Variants in AHNAK observed in about 807,000 individuals in gnomAD.
The protein encoded by AHNAK is AHNAK nucleoprotein.
A neutral mutation model predicts 37.8 loss-of-function variants in AHNAK; 23 were observed. That is an observed-to-expected ratio of 0.61 (90% CI 0.44 to 0.86). AHNAK has a LOEUF of 0.86. Among genes scored for constraint, AHNAK ranks in the 40% least tolerant of loss-of-function variants. The probability of loss-of-function intolerance (pLI) is 0.00; values close to 1 mark genes in which losing one functional copy is unlikely to be tolerated. For missense variants in AHNAK, 7,411 were observed against 7,319.4 expected (o/e 1.01, Z -0.46); for synonymous variants, 2,481 against 2,636.3 (o/e 0.94, Z 1.80).
chr11:62,542,262 G>A (rs1459999271), intron 1 of AHNAK, among the ~76,000 whole-genome samples: 1 of 152,064 alleles, frequency 6.6e-6, no homozygotes, highest in Non-Finnish European at 1.5e-5. Context: ...TTGTCCTGCA[G>A]GTCCCTATGC....
chr11:62,505,354 C>T (rs1939791356), intron 4 of AHNAK, among the ~76,000 whole-genome samples: 1 of 152,130 alleles, frequency 6.6e-6, no homozygotes, highest in Admixed American at 6.5e-5. Flanking sequence ...GACAGTTCGG[C>T]CAATGGGGTG....
chr11:62,484,665 G>GT (rs1939352458), intron 5 of AHNAK, among the ~76,000 whole-genome samples: 1 of 152,200 alleles, frequency 6.6e-6, no homozygotes, highest in Admixed American at 6.5e-5. Context: ...GGGCCAGGTG[G>GT]TATGGAAGCC....
intron 1 of AHNAK, among the ~76,000 whole-genome samples, chr11:62,543,914 TG>T (rs1565253911): frequency 6.6e-6 from 1 of 152,022 alleles, no homozygotes. Flanking sequence ...TCGGGAATGG[TG>T]GGGGAGAGAG....
At chr11:62,463,823 G>A (rs895605481) in intron 5 of AHNAK, among the ~76,000 whole-genome samples, 2 of 151,992 alleles carry the variant, frequency 1.3e-5, no homozygotes, top group African/African-American at 4.8e-5. Context: ...GAGTGCAATG[G>A]TACGATCTCG....
At position 62,442,537 on chromosome 11, in the gene AHNAK, G is replaced by A. The variant is rs534463363; in HGVS notation, c.443-8646C>T. Among the ~76,000 whole-genome samples, 15 of 148,250 alleles carry A rather than the reference G, an allele frequency of 1.0e-4. No homozygotes were observed. In the South Asian group the frequency reaches 2.2e-3, roughly 21 times the overall value. ...CACTCCAGCCTGGGTGACAGAGTGA[G>A]ATCCTATCTCAAAAATAAATAATCA... On this transcript the variant is annotated intron_variant, in intron 5 of 5. Transcript: ENST00000257247.
chr11:62,508,246 C>A (rs533890653), intron 4 of AHNAK, among the ~76,000 whole-genome samples: 1 of 152,118 alleles, frequency 6.6e-6, no homozygotes, highest in Non-Finnish European at 1.5e-5. Context: ...ACGGCAGTGA[C>A]ATCACAGGGA....
intron 5 of AHNAK, among the ~76,000 whole-genome samples, chr11:62,489,943 T>A (rs56973213): frequency 0.14 from 21,993 of 151,716 alleles, 3,917 homozygotes; most frequent in African/African-American, 0.42. Flanking sequence ...GGGTGTTTCA[T>A]GGAAGGAGAG....
In AHNAK at chr11:62,521,075, T is replaced by C. The variant is rs1262495098; in HGVS notation, c.13342A>G (p.Lys4448Glu). 5.0e-6 allele frequency: 8 copies of C among 1,613,934 alleles called. No individual in the cohort carries two copies. Among genetic ancestry groups the C allele is most frequent in the African/African-American group, 1.3e-5 (1 of 74,880 alleles). The change falls in exon 5 of 5, where the codon AAG becomes GAG. Residue 4448 changes from lysine (K) to glutamate (E), a missense_variant. Coordinates refer to ENST00000378024, the MANE Select transcript of AHNAK (RefSeq NM_001620.3). Reference protein sequence around the residue: ...PEGKLKGPKFKMPEMNIKAPK... With the variant: ...PEGKLKGPKFEMPEMNIKAPK... ...GCTTTGATGTTCATCTCAGGCATCT[T>C]AAATTTGGGCCCCTTCAATTTTCCT...
chr11:62,540,383 C>G (rs1266389744), intron 1 of AHNAK, among the ~76,000 whole-genome samples: 1 of 152,224 alleles, frequency 6.6e-6, no homozygotes, highest in Non-Finnish European at 1.5e-5. Flanking sequence ...TGGGATGGCA[C>G]TGCCTGTTAC....
chr11:62,481,726 C>A (rs936339797), intron 5 of AHNAK, among the ~76,000 whole-genome samples: 2 of 151,760 alleles, frequency 1.3e-5, no homozygotes, highest in Non-Finnish European at 2.9e-5. Flanking sequence ...TACAAGTGCC[C>A]ACCACCATGC....
intron 4 of AHNAK, among the ~76,000 whole-genome samples, chr11:62,506,070 A>G (rs1029769845): frequency 1.4e-5 from 2 of 147,272 alleles, no homozygotes; most frequent in Non-Finnish European, 3.0e-5. Context: ...CAAGCTGGGC[A>G]TGGTGGCGCA....
Position 62,517,052 on chromosome 11 carries a change from ACT to A in AHNAK, c.17363_17364del (p.Glu5788ValfsTer14), listed in dbSNP as rs1338693113. 8 of 1,613,846 alleles carry A rather than the reference ACT, an allele frequency of 5.0e-6. No individual in the cohort carries two copies. In the East Asian group the frequency reaches 8.9e-5, roughly 18 times the overall value. On this transcript the variant is annotated frameshift_variant, in exon 5 of 5. Coordinates refer to ENST00000378024, the MANE Select transcript of AHNAK (RefSeq NM_001620.3). LOFTEE classifies it high-confidence loss of function. ...HRSNSFSDEREFSGPSTPTGT... is the reference protein window; with the variant it reads ...HRSNSFSDERXFSGPSTPTGT... ...CCCGTCGGGGTGGAAGGTCCAGAGAACTCTCTTTCATCACTGAATGAATTTGA... is the reference window on the plus strand; with the variant it reads ...CCCGTCGGGGTGGAAGGTCCAGAGAACTCTTTCATCACTGAATGAATTTGA...
chr11:62,458,884 G>C (rs1938724436), intron 5 of AHNAK, among the ~76,000 whole-genome samples: 1 of 152,124 alleles, frequency 6.6e-6, no homozygotes, highest in Admixed American at 6.5e-5. Context: ...AAGTACCCCA[G>C]CTGTTTCAAA....
chr11:62,510,190 G>A (rs1268284532), intron 4 of AHNAK, among the ~76,000 whole-genome samples: 1 of 151,538 alleles, frequency 6.6e-6, no homozygotes, highest in African/African-American at 2.4e-5. Context: ...CTCCTGAGTA[G>A]CTGCCACCAC....
chr11:62,522,346 G>C lies in AHNAK; in HGVS notation c.12071C>G (p.Pro4024Arg), dbSNP rs149928120. The change falls in exon 5 of 5, where the codon CCT becomes CGT. Residue 4024 changes from proline to arginine, a missense_variant. Transcript: ENST00000378024. The stretch of plus-strand genomic sequence containing the variant: ...GGCCTTTAGATCACCTTCCATCTTA[G>C]GCAGAGAAACATCCACATCTCCTTT... ...KVKGDVDVSL[P>R]KMEGDLKAPE... 133 of 1,613,686 alleles carry C rather than the reference G, an allele frequency of 8.2e-5. No homozygotes were observed. In the African/African-American group the frequency reaches 1.5e-3, roughly 18 times the overall value.
chr11:62,496,778 G>C (rs530795737), intron 4 of AHNAK, among the ~76,000 whole-genome samples: 57 of 151,482 alleles, frequency 3.8e-4, no homozygotes, highest in African/African-American at 1.2e-3. Flanking sequence ...CTGAGCAGCA[G>C]AGGGAGGGAG....
At chr11:62,502,644 T>C (rs1939734184) in intron 4 of AHNAK, among the ~76,000 whole-genome samples, 1 of 152,254 alleles carries the variant, frequency 6.6e-6, no homozygotes, top group East Asian at 1.9e-4. Flanking sequence ...CCACTAATAT[T>C]TTAATATGAA....
rs752630660 is a variant in AHNAK, at chr11:62,517,178, T to A, written c.17239A>T (p.Lys5747Ter). 7.4e-6 allele frequency: 12 copies of A among 1,613,774 alleles called. No individual in the cohort carries two copies. The highest frequency in any genetic ancestry group is 1.7e-5 in the Admixed American group (1 of 59,998). Residue 5747 changes from lysine (K) to a stop codon, truncating the protein, a stop_gained, in exon 5 of 5, where the codon AAG becomes TAG. Coordinates refer to ENST00000378024, the MANE Select transcript of AHNAK (RefSeq NM_001620.3). LOFTEE classifies it high-confidence loss of function. ...SGSKGDLKSS[K>*]ASLGSLEGEA... is the part of the protein sequence containing the mutation. Reference sequence around the variant, plus strand: ...CCTTCCAGAGAGCCCAGGCTGGCCTTTGAACTTTTCAGGTCACCTTTGGAC... The same window carrying A: ...CCTTCCAGAGAGCCCAGGCTGGCCTATGAACTTTTCAGGTCACCTTTGGAC...
Position 62,527,644 on chromosome 11 carries a change from C to G in AHNAK, c.6773G>C (p.Gly2258Ala), listed in dbSNP as rs534740230. 1.4e-5 allele frequency: 22 copies of G among 1,613,348 alleles called. No homozygotes were observed. The highest frequency in any genetic ancestry group is 8.0e-5 in the African/African-American group (6 of 74,728). The change falls in exon 5 of 5, where the codon GGA (glycine) becomes GCA (alanine). Residue 2258 changes from glycine (G) to alanine (A), a missense_variant. By Grantham distance (60) the Gly-to-Ala change is moderately conservative. Transcript: ENST00000378024. ...GTTCACATCCACTTCTGGGCCCTCTCCTTTGAAGCCAGGCATGCTGAACTT... is the reference window on the plus strand; with the variant it reads ...GTTCACATCCACTTCTGGGCCCTCTGCTTTGAAGCCAGGCATGCTGAACTT... Reference protein sequence around the residue: ...MPKFSMPGFKGEGPEVDVNLP... With the variant: ...MPKFSMPGFKAEGPEVDVNLP...
Sources: gnomAD v4.1 joint callset for allele counts (sites outside exome capture counted in the v4.1 genomes callset) on GRCh38, gnomAD v4.1.1 for gene constraint, MANE v1.5 for transcripts, NCBI Gene and HGNC (gene_info 2026-07-23, HGNC 2026-07-21) for gene names.